Variants in GPR158 observed in about 807,000 individuals in gnomAD.
GPR158 encodes metabotropic glycine receptor.
A neutral mutation model predicts 78.2 loss-of-function variants in GPR158; 30 were observed. That is an observed-to-expected ratio of 0.38 (90% confidence interval 0.29 to 0.52). The LOEUF is 0.52. Among genes scored for constraint, GPR158 ranks in the 20% least tolerant of loss-of-function variants. The pLI is 0.83. For synonymous variants in GPR158, 581 were observed against 591.1 expected (o/e 0.98, Z 0.25); for missense variants, 1,463 against 1,523.5 (o/e 0.96, Z 0.66).
In GPR158 at chr10:25,572,691, A is replaced by G. The variant is rs774715778; in HGVS notation, c.1557A>G (p.Pro519=). 1.2e-6 allele frequency: 2 copies of G among 1,614,106 alleles called. No individual in the cohort carries two copies. The highest frequency in any genetic ancestry group is 4.5e-5 in the East Asian group (2 of 44,890). ...VFLSRTAQRI[P]YMTGGRVMRM... ...TTTCACGAACGGCTCAACGAATTCC[A>G]TATATGACTGGCGGACGGGTCATGA... Residue 519 remains proline, a synonymous_variant, in exon 7 of 11, where the codon CCA becomes CCG. Coordinates refer to ENST00000376351, the MANE Select transcript of GPR158 (RefSeq NM_020752.3).
chr10:25,199,478 C>A (rs560791553), intron 1 of GPR158, among the ~76,000 whole-genome samples: 2 of 152,108 alleles, frequency 1.3e-5, no homozygotes, highest in Non-Finnish European at 1.5e-5. Flanking sequence ...AAGAACATAG[C>A]CTCATTCTTT....
chr10:25,373,050 A>C (rs1834022531), intron 2 of GPR158, among the ~76,000 whole-genome samples: 1 of 151,814 alleles, frequency 6.6e-6, no homozygotes, highest in African/African-American at 2.4e-5. Flanking sequence ...GAATCAACCT[A>C]AATGCCCATC....
intron 4 of GPR158, among the ~76,000 whole-genome samples, chr10:25,427,043 A>T (rs10764549): frequency 0.7 from 106,239 of 151,810 alleles, 38,167 homozygotes; most frequent in Non-Finnish European, 0.8. Flanking sequence ...AAATTATGGA[A>T]TTTTTTCAAT....
chr10:25,365,325 A>G (rs1259735860), intron 2 of GPR158, among the ~76,000 whole-genome samples: 1 of 151,486 alleles, frequency 6.6e-6, no homozygotes, highest in East Asian at 1.9e-4. Context: ...TTGGGAATAC[A>G]GCATTTAGTT....
chr10:25,417,620 G>T (rs182554081), intron 4 of GPR158, among the ~76,000 whole-genome samples: 7 of 152,248 alleles, frequency 4.6e-5, no homozygotes. Flanking sequence ...CCAAATTCGA[G>T]GTTCTATTAC....
chr10:25,250,884 CGTT>C (rs893497489), intron 2 of GPR158, among the ~76,000 whole-genome samples: 10 of 151,374 alleles, frequency 6.6e-5, no homozygotes. Flanking sequence ...CTTTCTGTCT[CGTT>C]GATCTGTCTA....
At chr10:25,576,237 C>T (rs1837093750) in intron 7 of GPR158, among the ~76,000 whole-genome samples, 1 of 152,060 alleles carries the variant, frequency 6.6e-6, no homozygotes. Context: ...TCCATTATAC[C>T]ACTCTGTATG....
intron 4 of GPR158, among the ~76,000 whole-genome samples, 162 bp downstream of exon 4, chr10:25,412,635 A>G (rs1159097656): frequency 6.6e-6 from 1 of 152,226 alleles, no homozygotes; most frequent in Non-Finnish European, 1.5e-5. Flanking sequence ...AGCTGACCAG[A>G]AAAATAGAGA....
At chr10:25,376,970 T>C (rs1834089088) in intron 2 of GPR158, among the ~76,000 whole-genome samples, 1 of 151,664 alleles carries the variant, frequency 6.6e-6, no homozygotes, top group South Asian at 2.1e-4. Context: ...AAGTTTTTCT[T>C]TGTTTTTGAT....
chr10:25,336,114 G>A (rs1855202484), intron 2 of GPR158, among the ~76,000 whole-genome samples: 1 of 152,008 alleles, frequency 6.6e-6, no homozygotes, highest in Admixed American at 6.6e-5. Flanking sequence ...GGATGATGGA[G>A]CTGTATGTGT....
At chr10:25,320,723 G>A (rs1307252276) in intron 2 of GPR158, among the ~76,000 whole-genome samples, 1 of 151,984 alleles carries the variant, frequency 6.6e-6, no homozygotes, top group Non-Finnish European at 1.5e-5. Context: ...TGTCATTTTT[G>A]TATTATTCCT....
Position 25,276,483 on chromosome 10 carries a change from A to C in GPR158, c.1008+55326A>C, listed in dbSNP as rs575899179. On this transcript the variant is annotated intron_variant, in intron 2 of 10. Transcript: ENST00000376351. ...TATGTGATAGCTCACTTGAGGAGTT[A>C]ATTAAATTTTGAATGTAGGCCACTT... Among the ~76,000 whole-genome samples, 5 of 152,330 alleles carry C rather than the reference A, an allele frequency of 3.3e-5. No individual in the cohort carries two copies. In the South Asian group the frequency reaches 6.2e-4, roughly 19 times the overall value.
At chr10:25,422,846 C>T (rs1834769068) in intron 4 of GPR158, among the ~76,000 whole-genome samples, 1 of 79,680 alleles carries the variant, frequency 1.3e-5, no homozygotes, top group African/African-American at 4.2e-5. Flanking sequence ...TCTTTTATTC[C>T]CTTACCCCCC....
At chr10:25,379,630 A>AT (rs1210960835) in intron 2 of GPR158, among the ~76,000 whole-genome samples, 22 of 115,384 alleles carry the variant, frequency 1.9e-4, no homozygotes, top group Non-Finnish European at 3.6e-4. Flanking sequence ...AATTCAACAA[A>AT]TTTTTTTGAG....
chr10:25,565,126 G>A (rs936784152), intron 6 of GPR158, among the ~76,000 whole-genome samples: 1 of 152,144 alleles, frequency 6.6e-6, no homozygotes, highest in African/African-American at 2.4e-5. Flanking sequence ...CTGGGATGCT[G>A]TATCAACCAT....
At chr10:25,372,104 A>ATT (rs1834003186) in intron 2 of GPR158, among the ~76,000 whole-genome samples, 1 of 151,218 alleles carries the variant, frequency 6.6e-6, no homozygotes, top group Non-Finnish European at 1.5e-5. Context: ...ACACATGAAA[A>ATT]AAATGCTCAT....
At chr10:25,453,820 T>C (rs1835255465) in intron 4 of GPR158, among the ~76,000 whole-genome samples, 1 of 152,238 alleles carries the variant, frequency 6.6e-6, no homozygotes, top group Non-Finnish European at 1.5e-5. Flanking sequence ...CCATGCTGTT[T>C]TGATTACTAT....
At chr10:25,540,365 C>T (rs1416419881) in intron 5 of GPR158, among the ~76,000 whole-genome samples, 1 of 152,170 alleles carries the variant, frequency 6.6e-6, no homozygotes, top group South Asian at 2.1e-4. Flanking sequence ...CTAGTTCAAC[C>T]ATTGTGGAAG....
At chr10:25,592,278 A>C (rs1305125551) in intron 8 of GPR158, among the ~76,000 whole-genome samples, 1 of 152,038 alleles carries the variant, frequency 6.6e-6, no homozygotes, top group Middle Eastern at 3.2e-3. Context: ...GCACAAAAAT[A>C]AACTAACAGC....
Sources: allele counts gnomAD v4.1 joint callset (sites outside exome capture counted in the v4.1 genomes callset), GRCh38; gene constraint gnomAD v4.1.1; transcripts MANE v1.5; gene names NCBI Gene and HGNC (gene_info 2026-07-23, HGNC 2026-07-21).